TOM1: variants seen among roughly 807,000 people sequenced by gnomAD.
The protein encoded by TOM1 is target of Myb protein 1.
Under a neutral mutation model 61.3 loss-of-function variants are expected in TOM1, and 38 were observed. The ratio of observed to expected loss-of-function variants is 0.62; its 90% confidence interval spans 0.48 to 0.81. TOM1 has a LOEUF of 0.81. Among genes scored for constraint, TOM1 ranks in the 40% least tolerant of loss-of-function variants. The pLI, the probability that TOM1 is intolerant of heterozygous loss-of-function variation, is 0.00. For synonymous variants in TOM1, 270 were observed against 268.8 expected (o/e 1.00, Z -0.04); for missense variants, 591 against 659.6 (o/e 0.90, Z 1.14).
chr22:35,339,274 G>A (rs1929667244), intron 12 of TOM1, among the ~76,000 whole-genome samples: 1 of 152,040 alleles, frequency 6.6e-6, no homozygotes, highest in Non-Finnish European at 1.5e-5. Context: ...GAAGTTGCAG[G>A]GAGCAGAGAT....
rs767625095 is a variant in TOM1, at chr22:35,323,645, G to A, written c.501+15G>A. The A allele has an allele frequency of 4.2e-5, 68 of 1,613,992 alleles. No homozygotes were observed. The East Asian group carries it at 9.6e-4, about 23-fold the overall frequency. ...CACCCCAGAGGGTGAGAGAACTGCC[G>A]TACCGGGAACCAAGGGAAGGGAGGC... On this transcript the variant is annotated intron_variant, in intron 5 of 14. Transcript: ENST00000449058. The surrounding 1 kb of genome is among the most constrained non-coding windows in gnomAD (Gnocchi z 4.2).
chr22:35,324,242 G>A (rs1286572508), intron 6 of TOM1, among the ~76,000 whole-genome samples: 1 of 152,050 alleles, frequency 6.6e-6, no homozygotes, highest in Non-Finnish European at 1.5e-5. Context: ...CCTGTACGCA[G>A]CCCCTTCAGG....
rs376245725 is a variant in TOM1, at chr22:35,333,318, C to A, written c.934-86C>A. 1.7e-4 allele frequency: 220 copies of A among 1,298,444 alleles called. No individual in the cohort carries two copies. In the African/African-American group the frequency reaches 2.8e-3, roughly 17 times the overall value. The allele number at this position is 1,298,444 out of a possible 1,614,324, so 80.4% of individuals were successfully genotyped here. ...GGGGCCCTGGTGACAGATCCCTGGG[C>A]AAAGCCTGCAAGCCACAGTGCTTGG... On this transcript the variant is annotated intron_variant, in intron 9 of 14. Coordinates refer to ENST00000449058, the MANE Select transcript of TOM1 (RefSeq NM_005488.3).
chr22:35,320,774 T>C (rs1221930181), intron 2 of TOM1, among the ~76,000 whole-genome samples: 1 of 152,156 alleles, frequency 6.6e-6, no homozygotes, highest in Non-Finnish European at 1.5e-5. Context: ...TGTTTGCCAC[T>C]GTGTCCCCAG....
Position 35,322,941 on chromosome 22 carries a change from G to A in TOM1, c.217-87G>A, listed in dbSNP as rs527466689. On this transcript the variant is annotated intron_variant, in intron 3 of 14. Coordinates refer to ENST00000449058, the MANE Select transcript of TOM1 (RefSeq NM_005488.3). ...TCTCCTCTCCCGGGCCTCCTCTCTG[G>A]GACACAGGAGGAGCCACGAGGGTGG... The A allele has an allele frequency of 6.4e-5, 98 of 1,522,550 alleles. 2 individuals carry two copies. In the South Asian group the frequency reaches 1.1e-3, roughly 17 times the overall value. The allele number at this position is 1,522,550 out of a possible 1,614,324, so 94.3% of individuals were successfully genotyped here. A position where few individuals can be genotyped will look rare whatever the true frequency, so the allele number is the denominator to read the frequency against.
intron 6 of TOM1, among the ~76,000 whole-genome samples, chr22:35,326,824 GATCCCAGTCTTCTAGGAGAGAGGGCGGA>G (rs1928358844): frequency 2.0e-5 from 3 of 151,080 alleles, no homozygotes; most frequent in African/African-American, 7.3e-5. Flanking sequence ...GAGAGGGGGG[GATCCCAGTCTTCTAGGAGAGAGGGCGGA>G]ATCCCAGTCC....
At chr22:35,343,909 C>T (rs1930258000) in intron 12 of TOM1, among the ~76,000 whole-genome samples, 1 of 150,142 alleles carries the variant, frequency 6.7e-6, no homozygotes, top group Non-Finnish European at 1.5e-5. Context: ...ACACACACCC[C>T]TACACACACC....
At chr22:35,304,582 C>T (rs1229433055) in intron 1 of TOM1, among the ~76,000 whole-genome samples, 1 of 152,124 alleles carries the variant, frequency 6.6e-6, no homozygotes, top group Non-Finnish European at 1.5e-5. Flanking sequence ...GGGTTCACGC[C>T]ATTCTCCTGC....
intron 1 of TOM1, among the ~76,000 whole-genome samples, chr22:35,309,779 T>C (rs1243666028): frequency 6.6e-6 from 1 of 152,146 alleles, no homozygotes; most frequent in African/African-American, 2.4e-5. Flanking sequence ...CTTGACCACA[T>C]TGGTTTCATC....
At chr22:35,303,504 C>CTTTTTT (rs528560916) in intron 1 of TOM1, among the ~76,000 whole-genome samples, 1 of 131,610 alleles carries the variant, frequency 7.6e-6, no homozygotes, top group South Asian at 2.4e-4. Context: ...TTTATTATTT[C>CTTTTTT]TTTTTTTTTT....
rs760191015 is a variant in TOM1 at position 35,346,987 on chromosome 22, T to G, written c.1324+18T>G. 8.8e-5 allele frequency: 79 copies of G among 901,644 alleles called. No homozygotes were observed. The highest frequency in any genetic ancestry group is 1.2e-4 in the Non-Finnish European group (72 of 584,492). 55.9% of individuals were successfully genotyped at this position (901,644 alleles called of 1,614,324 possible). ...CAGCGAAGGTAGTAGTCCCCGCCCC[T>G]GCCCGCCCTCTCCTTTCCCCAGGGC... On this transcript the variant is annotated intron_variant, in intron 14 of 14. Coordinates refer to ENST00000449058, the MANE Select transcript of TOM1 (RefSeq NM_005488.3).
At chr22:35,316,088 G>A (rs571373614) in intron 1 of TOM1, among the ~76,000 whole-genome samples, 1 of 152,276 alleles carries the variant, frequency 6.6e-6, no homozygotes, top group Admixed American at 6.5e-5. Flanking sequence ...TAGACAGCCG[G>A]CAGCACTGTG....
intron 6 of TOM1, among the ~76,000 whole-genome samples, chr22:35,325,209 A>C (rs1405271406): frequency 6.6e-6 from 1 of 152,240 alleles, no homozygotes. Context: ...TGTGCTGGTG[A>C]GTTAGACACG....
chr22:35,321,324 G>A (rs1352677068), intron 2 of TOM1, among the ~76,000 whole-genome samples: 3 of 151,952 alleles, frequency 2.0e-5, no homozygotes, highest in African/African-American at 4.8e-5. Context: ...GGTCTAGGGT[G>A]GGGACCTAGG....
intron 1 of TOM1, among the ~76,000 whole-genome samples, chr22:35,306,929 C>T (rs1435170502): frequency 2.6e-5 from 4 of 152,138 alleles, no homozygotes; most frequent in Non-Finnish European, 5.9e-5. Flanking sequence ...GAAATTAAGG[C>T]CTTTGCCTTC....
chr22:35,316,912 G>GT (rs1927345929), intron 1 of TOM1, among the ~76,000 whole-genome samples: 2 of 152,110 alleles, frequency 1.3e-5, no homozygotes, highest in African/African-American at 2.4e-5. Context: ...TCTCTTTGGG[G>GT]TAGTTCTGCT....
At chr22:35,310,781 T>C (rs1383311783) in intron 1 of TOM1, among the ~76,000 whole-genome samples, 1 of 152,196 alleles carries the variant, frequency 6.6e-6, no homozygotes, top group Non-Finnish European at 1.5e-5. Flanking sequence ...AGTTAGTCCA[T>C]TTGTGAGCTA....
At chr22:35,318,131 C>A (rs904014659) in intron 2 of TOM1, 170 bp downstream of exon 2, 13 of 617,108 alleles carry the variant, frequency 2.1e-5, no homozygotes, top group Admixed American at 8.2e-5. Context: ...GTACCTGAGC[C>A]CCATCCAAGG....
At position 35,299,995 on chromosome 22, in the gene TOM1, C is replaced by G; in HGVS notation, c.52+15C>G. 1 of 1,562,692 alleles carries G rather than the reference C, an allele frequency of 6.4e-7. No homozygotes were observed. The highest frequency in any genetic ancestry group is 1.2e-5 in the South Asian group (1 of 85,242). On this transcript the variant is annotated intron_variant, in intron 1 of 14. Transcript: ENST00000449058. Reference sequence around the variant, plus strand: ...ACAGCGCATCGGTGAGTCCCTGGAGCCCCCCACAGCTCCGCCCCGGTGCTC... The same window carrying G: ...ACAGCGCATCGGTGAGTCCCTGGAGGCCCCCACAGCTCCGCCCCGGTGCTC...
Sources: gnomAD v4.1 joint callset for allele counts (sites outside exome capture counted in the v4.1 genomes callset) on GRCh38, gnomAD v4.1.1 for gene constraint, Gnocchi (gnomAD v3.1) non-coding constraint, MANE v1.5 for transcripts, NCBI Gene and HGNC (gene_info 2026-07-23, HGNC 2026-07-21) for gene names.